The following MEI1 variants were observed in gnomAD, a reference collection of about 807,000 sequenced individuals.
MEI1 encodes meiosis inhibitor protein 1.
A neutral mutation model predicts 146.2 loss-of-function variants in MEI1; 103 were observed. That is an observed-to-expected ratio of 0.70 (90% CI 0.60 to 0.83). The LOEUF is 0.83. Ranked by LOEUF, MEI1 falls within the 40% of genes least tolerant of loss-of-function variation. MEI1 has a pLI of 0.00. For synonymous variants in MEI1, 652 were observed against 628.2 expected (o/e 1.04, Z -0.57); for missense variants, 1,529 against 1,533.0 (o/e 1.00, Z 0.04).
intron 17 of MEI1, among the ~76,000 whole-genome samples, chr22:41,754,414 T>G (rs2073961273): frequency 6.6e-6 from 1 of 151,550 alleles, no homozygotes. Flanking sequence ...GTAGTGTTTC[T>G]TTTTTCTTTT....
intron 3 of MEI1, among the ~76,000 whole-genome samples, chr22:41,712,327 T>C (rs536025970): frequency 2.7e-5 from 4 of 150,226 alleles, no homozygotes; most frequent in African/African-American, 9.8e-5. Context: ...CTCCACCTCC[T>C]GGGTTCACGC....
Position 41,799,267 on chromosome 22 carries a change from G to T in MEI1, c.3793G>T (p.Val1265Leu). ...TTTTGCTGCCAGCTGCCTGGGAGGG[G>T]TGGCTGTATCCCTGTCCCACATCAG... Reference protein sequence around the residue: ...PLQDMLCLGGVAVSLSHIRN With the variant: ...PLQDMLCLGGLAVSLSHIRN Residue 1265 changes from valine (V) to leucine (L), a missense_variant, in exon 31 of 31, where the codon GTG becomes TTG. By Grantham distance (32) the Val-to-Leu change is conservative. Coordinates refer to ENST00000401548, the MANE Select transcript of MEI1 (RefSeq NM_152513.4). 6.2e-7 allele frequency: 1 copy of T among 1,613,502 alleles called. No individual in the cohort carries two copies. Among genetic ancestry groups the T allele is most frequent in the Non-Finnish European group, 8.5e-7 (1 of 1,179,610 alleles).
chr22:41,743,897 A>T (rs977350581), intron 12 of MEI1, among the ~76,000 whole-genome samples: 1 of 150,840 alleles, frequency 6.6e-6, no homozygotes, highest in African/African-American at 2.4e-5. Flanking sequence ...TTTTCCCGAG[A>T]TGGAGTCTTA....
intron 7 of MEI1, among the ~76,000 whole-genome samples, chr22:41,724,616 CAAAA>C (rs545418662): frequency 0.029 from 2,190 of 74,958 alleles, 44 homozygotes; most frequent in Admixed American, 0.11. Flanking sequence ...GACTCTGTCT[CAAAA>C]AAAAAAAAAA....
chr22:41,772,195 A>G (rs2075220575), intron 20 of MEI1, among the ~76,000 whole-genome samples: 1 of 152,184 alleles, frequency 6.6e-6, no homozygotes, highest in Non-Finnish European at 1.5e-5. Flanking sequence ...ATATCTAAAC[A>G]TAGAAAAGAT....
intron 6 of MEI1, chr22:41,722,127 A>G (rs948788133): frequency 6.6e-6 from 1 of 151,266 alleles, no homozygotes; most frequent in African/African-American, 2.4e-5. Flanking sequence ...TCTTTCAGAC[A>G]ACACTTAAAG....
At chr22:41,757,337 G>A (rs2074163730) in intron 17 of MEI1, among the ~76,000 whole-genome samples, 1 of 151,818 alleles carries the variant, frequency 6.6e-6, no homozygotes, top group South Asian at 2.1e-4. Flanking sequence ...CTCGTGATCC[G>A]CCAGCCTCGG....
chr22:41,755,353 C>G (rs1288961054), intron 17 of MEI1, among the ~76,000 whole-genome samples: 1 of 152,176 alleles, frequency 6.6e-6, no homozygotes, highest in Admixed American at 6.5e-5. Context: ...TTTTATCTTT[C>G]CCAGACATCA....
At chr22:41,731,996 G>A (rs978627911) in intron 9 of MEI1, among the ~76,000 whole-genome samples, 1 of 152,104 alleles carries the variant, frequency 6.6e-6, no homozygotes, top group Non-Finnish European at 1.5e-5. Context: ...GTCAGTAGGT[G>A]TTCACTGAAA....
intron 14 of MEI1, 56 bp from the exon 15 acceptor site, chr22:41,748,051 T>C: frequency 8.1e-7 from 1 of 1,241,872 alleles, no homozygotes; most frequent in Non-Finnish European, 1.2e-6. Flanking sequence ...CTCTGATGCC[T>C]TTTCTTCAGA....
intron 26 of MEI1, among the ~76,000 whole-genome samples, chr22:41,792,618 G>A (rs962360478): frequency 6.6e-6 from 1 of 152,142 alleles, no homozygotes; most frequent in Non-Finnish European, 1.5e-5. Flanking sequence ...AAGAAGGGCT[G>A]TGGGCACTGG....
intron 19 of MEI1, among the ~76,000 whole-genome samples, chr22:41,767,253 T>C (rs1449565679): frequency 1.3e-5 from 2 of 152,216 alleles, no homozygotes; most frequent in Non-Finnish European, 2.9e-5. Context: ...ATGCCCTTTA[T>C]GTAGAAGCAG....
chr22:41,795,245 C>T lies in MEI1; in HGVS notation c.3535-166C>T, dbSNP rs2076320462. The stretch of plus-strand genomic sequence containing the variant: ...ACAGGTTGCCTTACTTACCCCACTT[C>T]CCCATGACACAGTCCCACCTCTGCC... On this transcript the variant is annotated intron_variant, in intron 28 of 30. Transcript: ENST00000401548. This position sits in a 1 kb window ranked among gnomAD's most constrained non-coding sequence, Gnocchi z 4.2. Among the ~76,000 whole-genome samples, 1 of 152,158 alleles carries T rather than the reference C, an allele frequency of 6.6e-6. No homozygotes were observed. Among genetic ancestry groups the T allele is most frequent in the Non-Finnish European group, 1.5e-5 (1 of 68,038 alleles).
intron 3 of MEI1, among the ~76,000 whole-genome samples, chr22:41,712,286 G>A (rs2069651392): frequency 6.7e-6 from 1 of 148,846 alleles, no homozygotes. Flanking sequence ...CCAGGCTGGA[G>A]TGCAGTGGCG....
chr22:41,714,125 A>G (rs1273846781), intron 4 of MEI1, 50 bp downstream of exon 4: 2 of 1,512,114 alleles, frequency 1.3e-6, no homozygotes, highest in African/African-American at 2.7e-5. Context: ...CTCAGATGTC[A>G]GAGCTGGGTC....
Position 41,745,002 on chromosome 22 carries a change from G to A in MEI1, c.1476G>A (p.Lys492=). ...LGHASSRDSE[K]AILQRGKFLL... is the part of the protein sequence containing the mutation. The stretch of plus-strand genomic sequence containing the variant: ...ATGCCTCCAGTAGAGATTCAGAGAA[G>A]GCCATTCTTCAAAGGGGAAAGTTCC... Residue 492 remains lysine, a synonymous_variant, in exon 13 of 31, where the codon AAG becomes AAA. Transcript: ENST00000401548. 1 of 1,563,654 alleles carries A rather than the reference G, an allele frequency of 6.4e-7. No homozygotes were observed. Among genetic ancestry groups the A allele is most frequent in the Non-Finnish European group, 8.7e-7 (1 of 1,153,394 alleles).
chr22:41,711,312 A>G (rs567987064), intron 3 of MEI1, among the ~76,000 whole-genome samples: 3 of 152,224 alleles, frequency 2.0e-5, no homozygotes, highest in East Asian at 1.9e-4. Context: ...AGCTGGGACT[A>G]TAGGCGCCCG....
Position 41,703,396 on chromosome 22 carries a change from C to A in MEI1, c.240C>A (p.Val80=). The change falls in exon 2 of 31, where the codon GTC becomes GTA. Residue 80 remains valine, a synonymous_variant. Transcript: ENST00000401548. ...QDALVRHTSL[V]TQLVSQDQRV... is the part of the protein sequence containing the mutation. The stretch of plus-strand genomic sequence containing the variant: ...CCCTTGTGAGGCATACCTCCCTGGT[C>A]ACGCAACTGGTGTCTCAGGATCAGA... 1 of 1,610,372 alleles carries A rather than the reference C, an allele frequency of 6.2e-7. No individual in the cohort carries two copies. The highest frequency in any genetic ancestry group is 1.1e-5 in the South Asian group (1 of 90,156).
intron 11 of MEI1, among the ~76,000 whole-genome samples, chr22:41,742,532 G>A (rs936889682): frequency 6.6e-6 from 1 of 152,140 alleles, no homozygotes; most frequent in Non-Finnish European, 1.5e-5. Flanking sequence ...ATACATTATC[G>A]AATTTGATCC....
Sources: gnomAD v4.1 joint callset for allele counts (sites outside exome capture counted in the v4.1 genomes callset) on GRCh38, gnomAD v4.1.1 for gene constraint, Gnocchi (gnomAD v3.1) non-coding constraint, MANE v1.5 for transcripts, NCBI Gene and HGNC (gene_info 2026-07-23, HGNC 2026-07-21) for gene names.